Variants in CCNH observed in about 807,000 individuals in gnomAD.
The protein encoded by CCNH is cyclin-H.
In CCNH, 31 loss-of-function variants were observed where a neutral mutation model predicts 41.9. The observed-to-expected ratio is 0.74, with a 90% confidence interval of 0.56 to 1.00. The LOEUF (loss-of-function observed/expected upper bound fraction) is 1.00. Ranked by LOEUF, CCNH falls within the 50% of genes least tolerant of loss-of-function variation. The pLI, the probability that CCNH is intolerant of heterozygous loss-of-function variation, is 0.00. For synonymous variants in CCNH, 138 were observed against 136.1 expected (o/e 1.01, Z -0.10); for missense variants, 362 against 388.4 (o/e 0.93, Z 0.57).
chr5:87,378,575 G>A, upstream of CCNH: 2 of 1,558,288 alleles, frequency 1.3e-6, no homozygotes, highest in Non-Finnish European at 1.8e-6. Context: ...TTTTTGCAAA[G>A]AACATATTTT....
At position 87,408,133 on chromosome 5, in the gene CCNH, G is replaced by C. The variant is rs765806862; in HGVS notation, c.368C>G (p.Pro123Arg). The C allele has an allele frequency of 6.2e-7, 1 of 1,613,002 alleles. No homozygotes were observed. Among genetic ancestry groups the C allele is most frequent in the Admixed American group, 1.7e-5 (1 of 59,928 alleles). The change falls in exon 4 of 9, where the codon CCT becomes CGT. Residue 123 changes from proline (P) to arginine (R), a missense_variant. Transcript: ENST00000256897. ...CTCCCGGAGGTTTCCAACAAACTGAGGACTAGATACATTGAATTCATCTAC... is the reference window on the plus strand; with the variant it reads ...CTCCCGGAGGTTTCCAACAAACTGACGACTAGATACATTGAATTCATCTAC... Reference protein sequence around the residue: ...CKVDEFNVSSPQFVGNLRESP... With the variant: ...CKVDEFNVSSRQFVGNLRESP...
intron 9 of CCNH, chr5:87,385,346 A>C: frequency 6.2e-7 from 1 of 1,611,742 alleles, no homozygotes; most frequent in Non-Finnish European, 8.5e-7. Context: ...TTAGTGGCTA[A>C]ATCTGTGCAG....
At chr5:87,338,992 C>G (rs2112391520) in intron 9 of CCNH, among the ~76,000 whole-genome samples, 1 of 152,228 alleles carries the variant, frequency 6.6e-6, no homozygotes, top group East Asian at 1.9e-4. Context: ...AGACAATACT[C>G]AGTATCAAAT....
chr5:87,384,654 T>G (rs1365483850), intron 9 of CCNH, among the ~76,000 whole-genome samples: 1 of 152,146 alleles, frequency 6.6e-6, no homozygotes, highest in Non-Finnish European at 1.5e-5. Flanking sequence ...TCAGGTAGAT[T>G]ATTTATGGGA....
chr5:87,376,114 G>A (rs1761308434), downstream of CCNH: 1 of 468,004 alleles, frequency 2.1e-6, no homozygotes, highest in Admixed American at 3.4e-5. Flanking sequence ...TACCAGTGCT[G>A]AAACATAATT....
chr5:87,412,635 A>G, intron 1 of CCNH, 43 bp downstream of exon 1: 1 of 1,609,096 alleles, frequency 6.2e-7, no homozygotes, highest in Non-Finnish European at 8.5e-7. Context: ...GCTGCTCAGA[A>G]TTTAGTGACC....
intron 9 of CCNH, among the ~76,000 whole-genome samples, chr5:87,383,442 A>G (rs1761863839): frequency 6.6e-6 from 1 of 152,168 alleles, no homozygotes. Flanking sequence ...AATACTACAG[A>G]TAAACAACAT....
rs781642519 is a variant in CCNH at position 87,409,382 on chromosome 5, A to G, written c.241-19T>C. 5 of 1,334,180 alleles carry G rather than the reference A, an allele frequency of 3.7e-6. No homozygotes were observed. Among genetic ancestry groups the G allele is most frequent in the African/African-American group, 2.9e-5 (2 of 68,696 alleles). 82.6% of individuals were successfully genotyped at this position (1,334,180 alleles called of 1,614,324 possible). ...CCGTACCCTAAGGGTTAAAAAAAATATATCATCAGGATCTAGTCACAAATG... is the reference window on the plus strand; with the variant it reads ...CCGTACCCTAAGGGTTAAAAAAAATGTATCATCAGGATCTAGTCACAAATG... On this transcript the variant is annotated intron_variant, in intron 2 of 8. Coordinates refer to ENST00000256897, the MANE Select transcript of CCNH (RefSeq NM_001239.4).
intron 9 of CCNH, among the ~76,000 whole-genome samples, chr5:87,335,354 A>G (rs1299505332): frequency 6.6e-6 from 1 of 151,982 alleles, no homozygotes; most frequent in African/African-American, 2.4e-5. Flanking sequence ...TTGGCCATCA[A>G]GAGTTTGACA....
At chr5:87,405,359 A>G (rs1443898517) in intron 4 of CCNH, among the ~76,000 whole-genome samples, 1 of 152,208 alleles carries the variant, frequency 6.6e-6, no homozygotes, top group African/African-American at 2.4e-5. Flanking sequence ...TCTATTTAAA[A>G]TTTGCTTTCA....
At chr5:87,342,283 T>C (rs985786457) in intron 9 of CCNH, among the ~76,000 whole-genome samples, 1 of 151,728 alleles carries the variant, frequency 6.6e-6, no homozygotes, top group African/African-American at 2.4e-5. Context: ...CTTAGTCTCC[T>C]GAGTAGCTGG....
intron 2 of CCNH, among the ~76,000 whole-genome samples, chr5:87,409,593 G>A (rs1057434318): frequency 3.3e-5 from 5 of 151,630 alleles, no homozygotes; most frequent in African/African-American, 9.7e-5. Flanking sequence ...AGCCTACTCT[G>A]GCTAATCCTT....
chr5:87,339,324 G>T (rs1478397853), intron 9 of CCNH, among the ~76,000 whole-genome samples: 1 of 152,144 alleles, frequency 6.6e-6, no homozygotes. Flanking sequence ...TAGTGAAAGA[G>T]CTAGGATTAG....
intron 9 of CCNH, among the ~76,000 whole-genome samples, chr5:87,348,561 T>C (rs901760573): frequency 2.6e-5 from 4 of 152,066 alleles, no homozygotes; most frequent in Non-Finnish European, 5.9e-5. Flanking sequence ...TTTGATAATG[T>C]ATACACATAT....
At chr5:87,352,074 T>C (rs1759315376) in intron 9 of CCNH, among the ~76,000 whole-genome samples, 1 of 151,522 alleles carries the variant, frequency 6.6e-6, no homozygotes, top group African/African-American at 2.4e-5. Flanking sequence ...TATATGGTAT[T>C]AGATTTTTTT....
intron 1 of CCNH, 54 bp from the exon 2 acceptor site, chr5:87,411,400 T>G: frequency 6.5e-7 from 1 of 1,533,362 alleles, no homozygotes; most frequent in Non-Finnish European, 8.8e-7. Context: ...ATTAAACAAT[T>G]GTAAAACATT....
In CCNH at chr5:87,349,008, C is replaced by T. The variant is rs573994608; in HGVS notation, c.*91-30111G>A. 3.3e-5 allele frequency among the ~76,000 whole-genome samples: 5 copies of T among 151,764 alleles called. No homozygotes were observed. In the East Asian group the frequency reaches 9.7e-4, roughly 29 times the overall value. ...TTTATGTATTAAAGCTGGTAAGATA[C>T]ACCAGAGAGATAGCAGACAAGCAAT... On this transcript the variant is annotated intron_variant and NMD_transcript_variant, in intron 9 of 9. Coordinates refer to the CCNH transcript ENST00000645953.
chr5:87,400,604 G>A (rs1763331226), intron 6 of CCNH, among the ~76,000 whole-genome samples: 2 of 152,120 alleles, frequency 1.3e-5, no homozygotes, highest in Non-Finnish European at 2.9e-5. Flanking sequence ...GGATCACTTC[G>A]AGCAGAGAAT....
chr5:87,377,489 C>T (rs1240408492), upstream of CCNH, among the ~76,000 whole-genome samples: 4 of 152,112 alleles, frequency 2.6e-5, no homozygotes, highest in African/African-American at 9.7e-5. Flanking sequence ...TGCCACCACA[C>T]CCAGCTAATT....
Sources: allele counts gnomAD v4.1 joint callset (sites outside exome capture counted in the v4.1 genomes callset), GRCh38; gene constraint gnomAD v4.1.1; transcripts MANE v1.5; gene names NCBI Gene and HGNC (gene_info 2026-07-23, HGNC 2026-07-21).